Variants in PTPRR observed in about 807,000 individuals in gnomAD.
PTPRR encodes protein tyrosine phosphatase receptor type R.
In PTPRR, 38 loss-of-function variants were observed where a neutral mutation model predicts 77.2. That is an observed-to-expected ratio of 0.49 (90% CI 0.38 to 0.65). The LOEUF is 0.65. PTPRR is among the 30% of genes least tolerant of loss of function. The probability of loss-of-function intolerance (pLI) is 0.00; values close to 1 mark genes in which losing one functional copy is unlikely to be tolerated. For missense variants in PTPRR, 744 were observed against 799.2 expected (o/e 0.93, Z 0.83); for synonymous variants, 299 against 283.1 (o/e 1.06, Z -0.57).
intron 1 of PTPRR, among the ~76,000 whole-genome samples, chr12:70,897,012 T>C (rs1893440672): frequency 6.6e-6 from 1 of 151,916 alleles, no homozygotes; most frequent in African/African-American, 2.4e-5. Flanking sequence ...TTGGTTACTG[T>C]AGCCTTGTAG....
intron 13 of PTPRR, 44 bp downstream of exon 13, chr12:70,656,660 T>C (rs770624255): frequency 8.7e-5 from 118 of 1,357,424 alleles, no homozygotes; most frequent in Admixed American, 1.3e-4. Flanking sequence ...GATCAGGCTG[T>C]GAATGAAAAC....
intron 6 of PTPRR, among the ~76,000 whole-genome samples, chr12:70,706,259 T>G (rs1354980489): frequency 6.6e-6 from 1 of 152,062 alleles, no homozygotes; most frequent in Non-Finnish European, 1.5e-5. Context: ...ACCCTCTTTC[T>G]GGATCACTTG....
intron 8 of PTPRR, among the ~76,000 whole-genome samples, chr12:70,688,427 C>G (rs1887946452): frequency 6.6e-6 from 1 of 152,044 alleles, no homozygotes; most frequent in African/African-American, 2.4e-5. Context: ...ATGCAAATGT[C>G]CAACAGATCT....
intron 6 of PTPRR, among the ~76,000 whole-genome samples, chr12:70,711,305 C>G (rs924747273): frequency 6.6e-6 from 1 of 152,062 alleles, no homozygotes; most frequent in East Asian, 1.9e-4. Flanking sequence ...AAATCAAACA[C>G]TGTATATTCT....
At chr12:70,763,512 T>C (rs1270283711) in intron 3 of PTPRR, among the ~76,000 whole-genome samples, 1 of 152,200 alleles carries the variant, frequency 6.6e-6, no homozygotes, top group Non-Finnish European at 1.5e-5. Flanking sequence ...TTCTAGAACA[T>C]TGTTGATTCA....
chr12:70,835,758 C>T (rs1892290670), intron 2 of PTPRR, among the ~76,000 whole-genome samples: 1 of 151,996 alleles, frequency 6.6e-6, no homozygotes, highest in Non-Finnish European at 1.5e-5. Context: ...TCAGATGTGT[C>T]AAAATGAATA....
At chr12:70,731,100 G>GAC (rs1349299853) in intron 6 of PTPRR, among the ~76,000 whole-genome samples, 2 of 148,420 alleles carry the variant, frequency 1.3e-5, no homozygotes, top group Non-Finnish European at 3.0e-5. Flanking sequence ...GGAGGAAGGA[G>GAC]AGAGAGGAAG....
At chr12:70,648,301 C>T (rs1886273919) in intron 13 of PTPRR, among the ~76,000 whole-genome samples, 1 of 152,050 alleles carries the variant, frequency 6.6e-6, no homozygotes. Context: ...TGCGGCTATC[C>T]CATTGTTCTC....
At chr12:70,748,071 T>C (rs943582701) in intron 5 of PTPRR, among the ~76,000 whole-genome samples, 5 of 152,076 alleles carry the variant, frequency 3.3e-5, no homozygotes, top group African/African-American at 1.2e-4. Flanking sequence ...TACAATGCAT[T>C]GGAAAGGCTC....
rs1891377613 is a variant in PTPRR at position 70,788,968 on chromosome 12, C to T, written c.358-24190G>A. On this transcript the variant is annotated intron_variant, in intron 2 of 13. Coordinates refer to ENST00000283228, the MANE Select transcript of PTPRR (RefSeq NM_002849.4). ...CCTCATTTAGTCACCTGGAGGTAAC[C>T]GCCTGGTACTGTTTCTAGAGACACT... The T allele has an allele frequency of 4.1e-6, 5 of 1,214,630 alleles. No individual in the cohort carries two copies. In the East Asian group the frequency reaches 8.6e-5, roughly 21 times the overall value. The allele number at this position is 1,214,630 out of a possible 1,614,324, so 75.2% of individuals were successfully genotyped here.
intron 8 of PTPRR, among the ~76,000 whole-genome samples, chr12:70,688,861 A>G (rs1887962003): frequency 1.3e-5 from 2 of 152,210 alleles, no homozygotes; most frequent in Admixed American, 1.3e-4. Flanking sequence ...TGGCCTTTAA[A>G]AAGCAGGAAA....
At chr12:70,776,945 T>C (rs1891101297) in intron 2 of PTPRR, among the ~76,000 whole-genome samples, 1 of 152,152 alleles carries the variant, frequency 6.6e-6, no homozygotes. Context: ...AAAATATGCT[T>C]CCCCTTCCTA....
intron 3 of PTPRR, among the ~76,000 whole-genome samples, chr12:70,762,171 A>T (rs923501669): frequency 6.6e-6 from 1 of 152,148 alleles, no homozygotes; most frequent in Non-Finnish European, 1.5e-5. Flanking sequence ...AAAATTGGTC[A>T]TTTGGTGGAA....
At chr12:70,670,287 T>C (rs1212595969) in intron 10 of PTPRR, among the ~76,000 whole-genome samples, 1 of 152,198 alleles carries the variant, frequency 6.6e-6, no homozygotes, top group Non-Finnish European at 1.5e-5. Flanking sequence ...CAAAAGTGGG[T>C]TGCTTGCCTT....
At chr12:70,642,555 T>A (rs971100623) in intron 13 of PTPRR, among the ~76,000 whole-genome samples, 1 of 152,158 alleles carries the variant, frequency 6.6e-6, no homozygotes, top group Non-Finnish European at 1.5e-5. Flanking sequence ...TACTATCTAA[T>A]CCCATTCTAT....
chr12:70,746,928 C>T (rs1890231530), intron 5 of PTPRR, among the ~76,000 whole-genome samples: 1 of 151,910 alleles, frequency 6.6e-6, no homozygotes, highest in Non-Finnish European at 1.5e-5. Flanking sequence ...TGGTGATATT[C>T]ATTGACTCTG....
chr12:70,853,854 A>T (rs1892610819), intron 2 of PTPRR, among the ~76,000 whole-genome samples: 1 of 152,240 alleles, frequency 6.6e-6, no homozygotes, highest in Admixed American at 6.5e-5. Flanking sequence ...GGGAAAGATA[A>T]GGAGATTAAA....
intron 6 of PTPRR, among the ~76,000 whole-genome samples, chr12:70,705,991 T>G (rs1402481890): frequency 6.6e-6 from 1 of 151,912 alleles, no homozygotes; most frequent in Admixed American, 6.6e-5. Context: ...ACAATTTTTC[T>G]ACATAGTTTT....
At chr12:70,752,186 C>T (rs1890421766) in intron 5 of PTPRR, among the ~76,000 whole-genome samples, 1 of 152,162 alleles carries the variant, frequency 6.6e-6, no homozygotes, top group South Asian at 2.1e-4. Flanking sequence ...GTCTTGTTTT[C>T]TCCTTTGCCC....
Sources: gnomAD v4.1 joint callset for allele counts (sites outside exome capture counted in the v4.1 genomes callset) on GRCh38, gnomAD v4.1.1 for gene constraint, MANE v1.5 for transcripts, NCBI Gene and HGNC (gene_info 2026-07-23, HGNC 2026-07-21) for gene names.